MTHFS: variants seen among roughly 807,000 people sequenced by gnomAD.
MTHFS encodes methenyltetrahydrofolate synthetase, also known as 5-formyltetrahydrofolate cyclo-ligase.
A neutral mutation model predicts 12.7 loss-of-function variants in MTHFS; 7 were observed. The ratio of observed to expected loss-of-function variants is 0.55; its 90% CI spans 0.31 to 1.03. The LOEUF is 1.03. Among genes scored for constraint, MTHFS ranks in the 50% least tolerant of loss-of-function variants. The pLI, the probability that MTHFS is intolerant of heterozygous loss-of-function variation, is 0.05. For missense variants in MTHFS, 252 were observed against 258.1 expected (o/e 0.98, Z 0.16); for synonymous variants, 100 against 97.1 (o/e 1.03, Z -0.18).
intron 1 of MTHFS, among the ~76,000 whole-genome samples, chr15:79,892,014 C>A (rs1248811051): frequency 1.3e-5 from 2 of 150,252 alleles, no homozygotes; most frequent in African/African-American, 4.9e-5. Flanking sequence ...CACGAGTCTC[C>A]ATATTGAATG....
intron 2 of MTHFS, among the ~76,000 whole-genome samples, chr15:79,870,987 C>T (rs1449921141): frequency 6.6e-6 from 1 of 151,818 alleles, no homozygotes; most frequent in African/African-American, 2.4e-5. Flanking sequence ...ACTAAAAATA[C>T]AAAAAATTAG....
At chr15:79,887,622 T>C (rs898645109) in intron 2 of MTHFS, among the ~76,000 whole-genome samples, 1 of 152,240 alleles carries the variant, frequency 6.6e-6, no homozygotes, top group Non-Finnish European at 1.5e-5. Context: ...CTGGAGTAGC[T>C]GCATTAAGTT....
Position 79,894,847 on chromosome 15 carries a change from T to G in MTHFS, c.117+2025A>C, listed in dbSNP as rs182419582. Among the ~76,000 whole-genome samples the G allele has an allele frequency of 3.2e-4, 49 of 152,304 alleles. No homozygotes were observed. The East Asian group carries it at 9.4e-3, about 29-fold the overall frequency. On this transcript the variant is annotated intron_variant, in intron 1 of 2. Transcript: ENST00000258874. ...GTTTCTCACTTAACAGTCTCCCATTTGCCTCCTTTCCCCTCATCTTCACTG... is the reference window on the plus strand; with the variant it reads ...GTTTCTCACTTAACAGTCTCCCATTGGCCTCCTTTCCCCTCATCTTCACTG...
intron 2 of MTHFS, among the ~76,000 whole-genome samples, chr15:79,881,492 C>T (rs1205262877): frequency 2.0e-5 from 3 of 151,862 alleles, no homozygotes; most frequent in Middle Eastern, 3.4e-3. Context: ...ATCATGGGTG[C>T]ACTTCTCATT....
At chr15:79,870,282 A>G (rs2034080105) in intron 2 of MTHFS, among the ~76,000 whole-genome samples, 1 of 152,228 alleles carries the variant, frequency 6.6e-6, no homozygotes, top group Non-Finnish European at 1.5e-5. Flanking sequence ...TTTTGTAAAT[A>G]GAGTTGTATT....
At chr15:79,896,384 A>G (rs1381727674) in intron 1 of MTHFS, among the ~76,000 whole-genome samples, 1 of 152,156 alleles carries the variant, frequency 6.6e-6, no homozygotes, top group Non-Finnish European at 1.5e-5. Context: ...CCTCGTCTAA[A>G]GCACCTGCAT....
chr15:79,874,500 G>T (rs936084273), intron 2 of MTHFS, among the ~76,000 whole-genome samples: 1 of 152,082 alleles, frequency 6.6e-6, no homozygotes, highest in Admixed American at 6.6e-5. Context: ...CCCTGAAAAG[G>T]TGCATTGTCA....
chr15:79,890,170 T>C (rs889901101), intron 1 of MTHFS, among the ~76,000 whole-genome samples: 1 of 150,858 alleles, frequency 6.6e-6, no homozygotes, highest in Non-Finnish European at 1.5e-5. Context: ...CAGGAACTTA[T>C]CCACACTCAG....
At chr15:79,883,847 A>C (rs2034338152) in intron 2 of MTHFS, among the ~76,000 whole-genome samples, 1 of 152,220 alleles carries the variant, frequency 6.6e-6, no homozygotes, top group African/African-American at 2.4e-5. Context: ...CTGACTCCAA[A>C]GCCAGTGATC....
intron 2 of MTHFS, among the ~76,000 whole-genome samples, chr15:79,851,457 G>A (rs2033715584): frequency 6.6e-6 from 1 of 152,180 alleles, no homozygotes; most frequent in Admixed American, 6.5e-5. Flanking sequence ...GGAGTGACTT[G>A]TTCAGATTAT....
At chr15:79,897,125 T>C, upstream of MTHFS, 1 of 782,126 alleles carries the variant, frequency 1.3e-6, no homozygotes, top group Non-Finnish European at 1.8e-6. Context: ...CCACCCCGCT[T>C]CCGGGACGCG....
chr15:79,845,933 C>T (rs893106223), intron 2 of MTHFS, among the ~76,000 whole-genome samples: 10 of 152,178 alleles, frequency 6.6e-5, no homozygotes, highest in African/African-American at 2.4e-4. Flanking sequence ...CTACTCCCTC[C>T]TCATTTCCCC....
At chr15:79,885,813 G>A (rs1412251356) in intron 2 of MTHFS, among the ~76,000 whole-genome samples, 10 of 152,248 alleles carry the variant, frequency 6.6e-5, no homozygotes, top group Admixed American at 5.9e-4. Context: ...ACCAGTAAAT[G>A]AAACTGATAT....
chr15:79,892,843 C>T (rs1315819083), intron 1 of MTHFS, among the ~76,000 whole-genome samples: 3 of 151,916 alleles, frequency 2.0e-5, no homozygotes, highest in East Asian at 3.9e-4. Context: ...CCCAGCTACT[C>T]GGGAGGCTGA....
At chr15:79,895,873 G>A (rs778379164) in intron 1 of MTHFS, among the ~76,000 whole-genome samples, 1 of 152,218 alleles carries the variant, frequency 6.6e-6, no homozygotes, top group East Asian at 1.9e-4. Context: ...TGTCTCTGAA[G>A]CATGATGCTG....
chr15:79,862,908 A>G (rs1032960677), intron 2 of MTHFS, among the ~76,000 whole-genome samples: 2 of 152,114 alleles, frequency 1.3e-5, no homozygotes, highest in African/African-American at 4.8e-5. Flanking sequence ...ACACCCCAAG[A>G]CCATACTCTG....
chr15:79,862,319 T>G (rs2033931118), intron 2 of MTHFS, among the ~76,000 whole-genome samples: 1 of 152,196 alleles, frequency 6.6e-6, no homozygotes, highest in African/African-American at 2.4e-5. Flanking sequence ...TTGTTAAACC[T>G]TCAAAGGGTA....
At chr15:79,853,870 A>C (rs17212782) in intron 2 of MTHFS, among the ~76,000 whole-genome samples, 4,539 of 152,356 alleles carry the variant, frequency 0.03, 116 homozygotes, top group Middle Eastern at 0.048. Flanking sequence ...ATCTGTTTAC[A>C]AACCAAGAAA....
intron 2 of MTHFS, among the ~76,000 whole-genome samples, chr15:79,882,294 G>A (rs1389642629): frequency 6.6e-6 from 1 of 152,116 alleles, no homozygotes; most frequent in East Asian, 1.9e-4. Context: ...AGTCACTGGT[G>A]GGACCAGTGG....
Sources: allele counts gnomAD v4.1 joint callset (sites outside exome capture counted in the v4.1 genomes callset), GRCh38; gene constraint gnomAD v4.1.1; transcripts MANE v1.5; gene names NCBI Gene and HGNC (gene_info 2026-07-23, HGNC 2026-07-21).